Variants in PLEKHH2 observed in about 807,000 individuals in gnomAD.
PLEKHH2 encodes the protein pleckstrin homology domain-containing family H member 2.
PLEKHH2 carries 129 observed loss-of-function variants against 187.9 expected under a neutral mutation model. The observed-to-expected ratio is 0.69, with a 90% confidence interval of 0.59 to 0.79. The LOEUF is 0.79. PLEKHH2 is among the 30% of genes least tolerant of loss of function. PLEKHH2 has a pLI of 0.00. For synonymous variants in PLEKHH2, 686 were observed against 605.6 expected (o/e 1.13, Z -1.95); for missense variants, 2,076 against 1,751.2 (o/e 1.19, Z -3.31).
At chr2:43,670,889 T>C (rs1157374489) in intron 2 of PLEKHH2, among the ~76,000 whole-genome samples, 1 of 152,218 alleles carries the variant, frequency 6.6e-6, no homozygotes, top group East Asian at 1.9e-4. Context: ...CTTATTTTGT[T>C]AGATTCATAG....
At chr2:43,746,618 T>A (rs1246981132) in intron 24 of PLEKHH2, among the ~76,000 whole-genome samples, 1 of 152,158 alleles carries the variant, frequency 6.6e-6, no homozygotes, top group Non-Finnish European at 1.5e-5. Context: ...CAAGGATGCA[T>A]TTTTCACTTT....
At chr2:43,752,524 A>G (rs904937280) in intron 24 of PLEKHH2, among the ~76,000 whole-genome samples, 3 of 152,176 alleles carry the variant, frequency 2.0e-5, no homozygotes, top group Non-Finnish European at 4.4e-5. Flanking sequence ...TGTAAATGAT[A>G]GGGGTGTGTC....
chr2:43,657,966 T>A (rs1330830242), intron 2 of PLEKHH2, among the ~76,000 whole-genome samples: 4 of 152,240 alleles, frequency 2.6e-5, no homozygotes, highest in Non-Finnish European at 4.4e-5. Context: ...ACATACATAA[T>A]ATAAATTGTC....
intron 4 of PLEKHH2, among the ~76,000 whole-genome samples, chr2:43,692,977 G>A (rs1363139840): frequency 6.6e-6 from 1 of 152,106 alleles, no homozygotes; most frequent in South Asian, 2.1e-4. Context: ...GCAGTGGCTC[G>A]ATCTCAGCTC....
At position 43,757,225 on chromosome 2, in the gene PLEKHH2, C is replaced by T; in HGVS notation, c.3902C>T (p.Pro1301Leu). 1 of 1,601,500 alleles carries T rather than the reference C, an allele frequency of 6.2e-7. No individual in the cohort carries two copies. Among genetic ancestry groups the T allele is most frequent in the South Asian group, 1.1e-5 (1 of 88,440 alleles). The change falls in exon 26 of 30, where the codon CCT (proline) becomes CTT (leucine). Residue 1301 changes from proline to leucine, a missense_variant. Transcript: ENST00000282406. The part of the protein sequence containing the change: ...TLKQVIEKFY[P>L]KRYRDGCSEE... The stretch of plus-strand genomic sequence containing the variant: ...AAGCAAGTCATAGAGAAATTTTATC[C>T]TAAAAGGTATAGAGATGGCTGTTCT...
chr2:43,755,596 T>G (rs894159217), intron 25 of PLEKHH2, among the ~76,000 whole-genome samples: 3 of 152,202 alleles, frequency 2.0e-5, no homozygotes, highest in African/African-American at 7.2e-5. Context: ...TGGGCAGGGA[T>G]GTGAAGGGAC....
intron 8 of PLEKHH2, among the ~76,000 whole-genome samples, chr2:43,702,059 A>C (rs1054270004): frequency 2.0e-5 from 3 of 152,216 alleles, no homozygotes; most frequent in African/African-American, 7.2e-5. Flanking sequence ...GTGTCACGCC[A>C]CTGCACCTGG....
intron 3 of PLEKHH2, among the ~76,000 whole-genome samples, chr2:43,688,053 G>T (rs916558200): frequency 1.5e-4 from 23 of 152,022 alleles, no homozygotes; most frequent in African/African-American, 4.1e-4. Flanking sequence ...CTCCCTCCTC[G>T]GCCTCCCAAA....
chr2:43,720,655 A>G lies in PLEKHH2; in HGVS notation c.2461-14A>G. 6.2e-7 allele frequency: 1 copy of G among 1,607,092 alleles called. No individual in the cohort carries two copies. Among genetic ancestry groups the G allele is most frequent in the African/African-American group, 1.3e-5 (1 of 74,682 alleles). ...TCTGGGCTAAACTTGTAATTCATTG[A>G]AATATGGTTTCAGGTAAAACATGGA... On this transcript the variant is annotated splice_polypyrimidine_tract_variant and intron_variant, in intron 15 of 29. Transcript: ENST00000282406.
At chr2:43,759,109 C>G (rs1237728084) in intron 27 of PLEKHH2, 80 bp downstream of exon 27, 1 of 1,449,448 alleles carries the variant, frequency 6.9e-7, no homozygotes, top group Non-Finnish European at 9.2e-7. Context: ...ACTTAGTATC[C>G]TTGGCTTTTG....
intron 20 of PLEKHH2, among the ~76,000 whole-genome samples, chr2:43,738,799 C>T: frequency 6.6e-6 from 1 of 152,114 alleles, no homozygotes; most frequent in South Asian, 2.1e-4. Context: ...TCCCCTATAT[C>T]CTTAGACATT....
intron 11 of PLEKHH2, among the ~76,000 whole-genome samples, chr2:43,709,665 A>G (rs1669846756): frequency 2.0e-5 from 3 of 152,092 alleles, no homozygotes; most frequent in Admixed American, 2.0e-4. Context: ...ATGAAACCCC[A>G]TCTCTACTAA....
intron 2 of PLEKHH2, among the ~76,000 whole-genome samples, chr2:43,649,684 C>A (rs548905525): frequency 8.5e-5 from 13 of 152,276 alleles, no homozygotes; most frequent in African/African-American, 2.6e-4. Flanking sequence ...ACAATGGGAC[C>A]GTATAGGCTA....
chr2:43,742,497 C>T (rs570159399), intron 21 of PLEKHH2, among the ~76,000 whole-genome samples: 18 of 152,068 alleles, frequency 1.2e-4, no homozygotes, highest in African/African-American at 4.3e-4. Flanking sequence ...CAGCTTGTGA[C>T]TATAATAATA....
chr2:43,657,160 C>T (rs1284309502), intron 2 of PLEKHH2, among the ~76,000 whole-genome samples: 1 of 152,170 alleles, frequency 6.6e-6, no homozygotes, highest in Non-Finnish European at 1.5e-5. Flanking sequence ...TGACTGCATT[C>T]AGTTGGCAAA....
intron 19 of PLEKHH2, among the ~76,000 whole-genome samples, chr2:43,736,023 AT>A (rs1572640588): frequency 2.6e-5 from 4 of 152,110 alleles, no homozygotes; most frequent in Admixed American, 2.0e-4. Context: ...TATTTTTTAA[AT>A]TTTTCAATTA....
chr2:43,765,646 G>A lies in PLEKHH2; in HGVS notation c.*48G>A, dbSNP rs754647896. On this transcript the variant is annotated 3_prime_UTR_variant, in exon 30 of 30. Transcript: ENST00000282406. ...ACTCCTTGTCCTCCATGCTGTGGCT[G>A]TATCAGCTCCCTACAAGTTCGTTTA... is the stretch of plus-strand genomic sequence containing the variant. 11 of 1,567,650 alleles carry A rather than the reference G, an allele frequency of 7.0e-6. No homozygotes were observed. Among genetic ancestry groups the A allele is most frequent in the East Asian group, 2.3e-5 (1 of 44,028 alleles).
intron 16 of PLEKHH2, among the ~76,000 whole-genome samples, chr2:43,721,850 G>A (rs374501692): frequency 1.3e-5 from 2 of 152,074 alleles, no homozygotes; most frequent in African/African-American, 2.4e-5. Context: ...TCGCACCATT[G>A]CATTCCAGGC....
At chr2:43,660,221 GT>G (rs1258795304) in intron 2 of PLEKHH2, among the ~76,000 whole-genome samples, 2 of 152,132 alleles carry the variant, frequency 1.3e-5, no homozygotes, top group African/African-American at 2.4e-5. Flanking sequence ...GTTTGTTCCT[GT>G]TTATTGTAGA....
Sources: gnomAD v4.1 joint callset for allele counts (sites outside exome capture counted in the v4.1 genomes callset) on GRCh38, gnomAD v4.1.1 for gene constraint, MANE v1.5 for transcripts, NCBI Gene and HGNC (gene_info 2026-07-23, HGNC 2026-07-21) for gene names.